Variants in SEMA3E observed in about 807,000 individuals in gnomAD.
SEMA3E encodes semaphorin-3E.
Under a neutral mutation model 93.6 loss-of-function variants are expected in SEMA3E, and 49 were observed. The observed-to-expected ratio is 0.52, with a 90% CI of 0.42 to 0.66. SEMA3E has a LOEUF of 0.66. Ranked by LOEUF, SEMA3E falls within the 30% of genes least tolerant of loss-of-function variation. The probability of loss-of-function intolerance (pLI) is 0.00; values close to 1 mark genes in which losing one functional copy is unlikely to be tolerated. For missense variants in SEMA3E, 906 were observed against 964.8 expected (o/e 0.94, Z 0.81); for synonymous variants, 363 against 330.7 (o/e 1.10, Z -1.06).
chr7:83,633,498 C>G (rs1475550290), intron 1 of SEMA3E, among the ~76,000 whole-genome samples: 4 of 151,982 alleles, frequency 2.6e-5, no homozygotes, highest in African/African-American at 7.2e-5. Context: ...TCTTGAGCAG[C>G]CAGGTATAAG....
At chr7:83,621,313 G>T (rs1191644077) in intron 1 of SEMA3E, among the ~76,000 whole-genome samples, 46 of 152,116 alleles carry the variant, frequency 3.0e-4, no homozygotes, top group Admixed American at 3.0e-3. Flanking sequence ...TTTTCAAGGA[G>T]AACTACAAGC....
In SEMA3E at chr7:83,532,029, T is replaced by C. The variant is rs1359538484; in HGVS notation, c.116-41755A>G. ...TAAACGTGACTTTTTAAAGTTAGCA[T>C]GCATTGCTGACTGTTATTTCTGGGT... is the stretch of plus-strand genomic sequence containing the variant. On this transcript the variant is annotated intron_variant, in intron 1 of 16. Transcript: ENST00000643230. Among the ~76,000 whole-genome samples the C allele has an allele frequency of 3.3e-5, 5 of 152,334 alleles. No homozygotes were observed. In the East Asian group the frequency reaches 9.7e-4, roughly 29 times the overall value.
chr7:83,365,438 C>T lies in SEMA3E; in HGVS notation c.*2148G>A, dbSNP rs1420820654. 10 of 152,162 alleles carry T rather than the reference C, an allele frequency of 6.6e-5. No homozygotes were observed. In the East Asian group the frequency reaches 1.3e-3, roughly 21 times the overall value. 9.4% of individuals were successfully genotyped at this position (152,162 alleles called of 1,614,324 possible). ...TTCAAATTAGCATTGAATAAACTTT[C>T]TTTGGGTTTGATTTATTTTCCTATA... On this transcript the variant is annotated 3_prime_UTR_variant, in exon 17 of 17. Transcript: ENST00000643230.
At chr7:83,414,224 A>G in intron 5 of SEMA3E, among the ~76,000 whole-genome samples, 1 of 152,090 alleles carries the variant, frequency 6.6e-6, no homozygotes, top group South Asian at 2.1e-4. Flanking sequence ...ACCATTATAA[A>G]GACAAATATT....
chr7:83,428,355 A>T (rs1043053931), intron 4 of SEMA3E, among the ~76,000 whole-genome samples: 1 of 152,216 alleles, frequency 6.6e-6, no homozygotes, highest in Admixed American at 6.5e-5. Context: ...GACAAAACAA[A>T]CAATCATTTA....
intron 1 of SEMA3E, among the ~76,000 whole-genome samples, chr7:83,572,113 A>G (rs968142939): frequency 2.6e-5 from 4 of 152,228 alleles, no homozygotes; most frequent in African/African-American, 9.6e-5. Context: ...GTTCATAGAT[A>G]GGAAGAATCA....
chr7:83,396,297 T>C (rs895237592), intron 12 of SEMA3E, among the ~76,000 whole-genome samples: 1 of 152,148 alleles, frequency 6.6e-6, no homozygotes, highest in Non-Finnish European at 1.5e-5. Flanking sequence ...ATGTTCACAA[T>C]ATGAAAATGT....
At chr7:83,394,418 T>C in intron 12 of SEMA3E, 80 bp from the exon 13 acceptor site, 2 of 1,124,270 alleles carry the variant, frequency 1.8e-6, no homozygotes, top group Non-Finnish European at 2.6e-6. Flanking sequence ...ACCCCTGAAA[T>C]TACATTACTT....
At chr7:83,381,996 C>T (rs935521190) in intron 16 of SEMA3E, among the ~76,000 whole-genome samples, 2 of 151,980 alleles carry the variant, frequency 1.3e-5, no homozygotes, top group South Asian at 2.1e-4. Flanking sequence ...CCTGCAGCAG[C>T]ATGCTCCACT....
At chr7:83,630,744 A>G (rs889999353) in intron 1 of SEMA3E, among the ~76,000 whole-genome samples, 2 of 152,200 alleles carry the variant, frequency 1.3e-5, no homozygotes, top group African/African-American at 4.8e-5. Flanking sequence ...AAATTCCAAG[A>G]CAGTATAAGC....
At chr7:83,569,989 TA>T (rs2115864314) in intron 1 of SEMA3E, among the ~76,000 whole-genome samples, 1 of 152,176 alleles carries the variant, frequency 6.6e-6, no homozygotes, top group South Asian at 2.1e-4. Flanking sequence ...CAAGTCTTAA[TA>T]AAATCAAAAA....
At chr7:83,579,410 G>T (rs1792473957) in intron 1 of SEMA3E, among the ~76,000 whole-genome samples, 1 of 151,980 alleles carries the variant, frequency 6.6e-6, no homozygotes, top group Admixed American at 6.6e-5. Context: ...AAGTCTTAGA[G>T]AAATTTGTTT....
chr7:83,379,972 C>G (rs1337934244), intron 16 of SEMA3E, among the ~76,000 whole-genome samples: 8 of 151,740 alleles, frequency 5.3e-5, no homozygotes, highest in Non-Finnish European at 8.8e-5. Flanking sequence ...CTTGCCATGC[C>G]AAATCTTCCA....
rs1791187814 is a variant in SEMA3E, at chr7:83,527,603, T to C, written c.116-37329A>G. 2.0e-5 allele frequency among the ~76,000 whole-genome samples: 3 copies of C among 152,164 alleles called. No homozygotes were observed. In the South Asian group the frequency reaches 6.2e-4, roughly 32 times the overall value. On this transcript the variant is annotated intron_variant, in intron 1 of 16. Transcript: ENST00000643230. ...TATATATATTCAAAGATATTTATAC[T>C]TAAACATTGGAAGCTGTAAGTGCAG...
At chr7:83,519,197 C>T (rs1790996155) in intron 1 of SEMA3E, among the ~76,000 whole-genome samples, 1 of 151,940 alleles carries the variant, frequency 6.6e-6, no homozygotes, top group Non-Finnish European at 1.5e-5. Context: ...GTTCAATTCC[C>T]AACTATGAGT....
At chr7:83,571,532 A>T (rs1456166368) in intron 1 of SEMA3E, among the ~76,000 whole-genome samples, 1 of 152,186 alleles carries the variant, frequency 6.6e-6, no homozygotes, top group African/African-American at 2.4e-5. Context: ...TTCTTGCATG[A>T]TAAAAACCCT....
At chr7:83,611,684 T>A (rs1793270519) in intron 1 of SEMA3E, among the ~76,000 whole-genome samples, 1 of 151,870 alleles carries the variant, frequency 6.6e-6, no homozygotes, top group Admixed American at 6.6e-5. Context: ...ATCCATAATA[T>A]CTTTTCTTTC....
chr7:83,491,013 G>C (rs1412118788), intron 1 of SEMA3E, among the ~76,000 whole-genome samples: 3 of 152,040 alleles, frequency 2.0e-5, no homozygotes, highest in African/African-American at 7.2e-5. Context: ...GGTGATGAGA[G>C]AGAATAAAAA....
chr7:83,453,597 T>C (rs893107186), intron 4 of SEMA3E, among the ~76,000 whole-genome samples: 2 of 152,152 alleles, frequency 1.3e-5, no homozygotes, highest in African/African-American at 4.8e-5. Flanking sequence ...TCTGACTTCA[T>C]AGGGGAATAC....
Sources: allele counts gnomAD v4.1 joint callset (sites outside exome capture counted in the v4.1 genomes callset), GRCh38; gene constraint gnomAD v4.1.1; transcripts MANE v1.5; gene names NCBI Gene and HGNC (gene_info 2026-07-23, HGNC 2026-07-21).